TNFAIP8: variants seen among roughly 807,000 people sequenced by gnomAD.
TNFAIP8 encodes tumor necrosis factor alpha-induced protein 8.
TNFAIP8 carries 7 observed loss-of-function variants against 13.3 expected under a neutral mutation model. That is an observed-to-expected ratio of 0.52 (90% CI 0.30 to 0.99). The LOEUF (loss-of-function observed/expected upper bound fraction) is 0.99. TNFAIP8 is among the 50% of genes least tolerant of loss of function. TNFAIP8 has a pLI of 0.07. For synonymous variants in TNFAIP8, 94 were observed against 87.6 expected (o/e 1.07, Z -0.41); for missense variants, 258 against 236.9 (o/e 1.09, Z -0.58).
chr5:119,368,640 A>T (rs1751961990), intron 1 of TNFAIP8, among the ~76,000 whole-genome samples: 1 of 152,212 alleles, frequency 6.6e-6, no homozygotes, highest in Admixed American at 6.5e-5. Flanking sequence ...CAAATAAGAA[A>T]CTGTGCCAGG....
At chr5:119,299,681 T>A (rs1379004402) in intron 1 of TNFAIP8, among the ~76,000 whole-genome samples, 2 of 152,184 alleles carry the variant, frequency 1.3e-5, no homozygotes, top group South Asian at 4.1e-4. Context: ...GTTACTGCTG[T>A]CTTTTTGTTT....
At chr5:119,391,624 T>A (rs1580454033) in intron 1 of TNFAIP8, 1 of 472,044 alleles carries the variant, frequency 2.1e-6, no homozygotes, top group East Asian at 3.9e-5. Context: ...CCGGGCATGG[T>A]GGAGGGTGCC....
intron 1 of TNFAIP8, among the ~76,000 whole-genome samples, chr5:119,389,286 G>A: frequency 1.3e-5 from 1 of 74,088 alleles, no homozygotes; most frequent in South Asian, 5.3e-4. Flanking sequence ...AAATAGTCAA[G>A]GAAAGAAAAA....
chr5:119,301,576 C>T (rs1347755325), intron 1 of TNFAIP8, among the ~76,000 whole-genome samples: 1 of 152,228 alleles, frequency 6.6e-6, no homozygotes, highest in Non-Finnish European at 1.5e-5. Flanking sequence ...GGAGTCCCAT[C>T]TGTATCTCAT....
At chr5:119,361,196 C>T (rs1045174696) in intron 1 of TNFAIP8, among the ~76,000 whole-genome samples, 1 of 152,104 alleles carries the variant, frequency 6.6e-6, no homozygotes, top group Non-Finnish European at 1.5e-5. Context: ...AGTCAGGACA[C>T]CTTTCTCAGG....
chr5:119,287,231 T>C (rs1225257613), intron 1 of TNFAIP8, among the ~76,000 whole-genome samples: 1 of 151,150 alleles, frequency 6.6e-6, no homozygotes, highest in Non-Finnish European at 1.5e-5. Flanking sequence ...CTCCTTAGTT[T>C]GCAGCTTTCT....
chr5:119,331,649 G>A (rs997064968), intron 1 of TNFAIP8, among the ~76,000 whole-genome samples: 1 of 152,206 alleles, frequency 6.6e-6, no homozygotes, highest in Non-Finnish European at 1.5e-5. Flanking sequence ...CCTGGAGCAT[G>A]TGTAAGGGCC....
intron 1 of TNFAIP8, among the ~76,000 whole-genome samples, chr5:119,315,157 A>G (rs1749850773): frequency 6.6e-6 from 1 of 152,324 alleles, no homozygotes; most frequent in Admixed American, 6.5e-5. Context: ...ATCTCAGCTC[A>G]CTACAAGCTC....
chr5:119,380,974 A>G (rs554134774), intron 1 of TNFAIP8, among the ~76,000 whole-genome samples: 4 of 152,374 alleles, frequency 2.6e-5, no homozygotes, highest in African/African-American at 9.6e-5. Flanking sequence ...GCATGCCTTT[A>G]TAGCCAGAGT....
chr5:119,329,487 T>A (rs548920461), intron 1 of TNFAIP8, among the ~76,000 whole-genome samples: 10 of 152,156 alleles, frequency 6.6e-5, no homozygotes, highest in Non-Finnish European at 1.3e-4. Context: ...TTGTGAGGTC[T>A]TTTGCCTTTC....
chr5:119,294,432 A>G (rs1749098818), intron 1 of TNFAIP8, among the ~76,000 whole-genome samples: 1 of 152,038 alleles, frequency 6.6e-6, no homozygotes. Context: ...ACATTTTCTT[A>G]ATCCAGTCTA....
intron 1 of TNFAIP8, among the ~76,000 whole-genome samples, chr5:119,345,219 G>T (rs1750858685): frequency 6.6e-6 from 1 of 152,088 alleles, no homozygotes; most frequent in South Asian, 2.1e-4. Flanking sequence ...TACCTGTTGG[G>T]CATTGCATAT....
chr5:119,299,891 G>A (rs570738871), intron 1 of TNFAIP8, among the ~76,000 whole-genome samples: 51 of 152,346 alleles, frequency 3.3e-4, no homozygotes, highest in African/African-American at 1.0e-3. Flanking sequence ...GCAAGACTCC[G>A]TGGGCGTAGG....
intron 1 of TNFAIP8, among the ~76,000 whole-genome samples, chr5:119,345,508 A>G (rs1750868759): frequency 6.6e-6 from 1 of 152,232 alleles, no homozygotes; most frequent in South Asian, 2.1e-4. Flanking sequence ...CATACAATGG[A>G]ATATCACCCA....
intron 1 of TNFAIP8, among the ~76,000 whole-genome samples, chr5:119,383,896 C>G (rs1369793616): frequency 6.6e-6 from 1 of 152,164 alleles, no homozygotes; most frequent in Non-Finnish European, 1.5e-5. Flanking sequence ...GTTGATCTTC[C>G]TTATGGTCTG....
rs147559617 is a variant in TNFAIP8 at position 119,392,548 on chromosome 5, G to A, written c.32-268G>A. ...TGGGATTATAGGTGCCCACCACCAC[G>A]CCCATGTAGGCCGGGCTGGTCTCAA... On this transcript the variant is annotated intron_variant, in intron 1 of 1. Transcript: ENST00000504771. 5.8e-3 allele frequency among the ~76,000 whole-genome samples: 875 copies of A among 152,130 alleles called. 8 individuals are homozygous for A. The highest frequency in any genetic ancestry group is 0.02 in the African/African-American group (816 of 41,542).
intron 1 of TNFAIP8, among the ~76,000 whole-genome samples, chr5:119,298,039 A>T: frequency 6.6e-6 from 1 of 152,186 alleles, no homozygotes; most frequent in East Asian, 1.9e-4. Flanking sequence ...CAGCACACTG[A>T]TGGGTCTTGA....
chr5:119,329,235 A>G (rs1272007618), intron 1 of TNFAIP8, among the ~76,000 whole-genome samples: 1 of 152,254 alleles, frequency 6.6e-6, no homozygotes, highest in African/African-American at 2.4e-5. Context: ...TCTAAGAGAA[A>G]TTAGAAGATA....
At position 119,398,654 on chromosome 5, in the gene TNFAIP8, T is replaced by A. The variant is rs1344192199; in HGVS notation, c.*5273T>A. 2 of 151,292 alleles carry A rather than the reference T, an allele frequency of 1.3e-5. No individual in the cohort carries two copies. Among genetic ancestry groups the A allele is most frequent in the African/African-American group, 4.9e-5 (2 of 41,110 alleles). The allele number at this position is 151,292 out of a possible 1,614,324, so 9.4% of individuals were successfully genotyped here. ...AAGATTACACCACTGCACTCCAGCC[T>A]GGGCAACAAGAGTGAGACTTTGTCT... On this transcript the variant is annotated 3_prime_UTR_variant, in exon 2 of 2. Coordinates refer to ENST00000504771, the MANE Select transcript of TNFAIP8 (RefSeq NM_014350.4).
Sources: allele counts gnomAD v4.1 joint callset (sites outside exome capture counted in the v4.1 genomes callset), GRCh38; gene constraint gnomAD v4.1.1; transcripts MANE v1.5; gene names NCBI Gene and HGNC (gene_info 2026-07-23, HGNC 2026-07-21).